The following COL19A1 variants were observed in gnomAD, a reference collection of about 807,000 sequenced individuals.
COL19A1 encodes the protein collagen type XIX alpha 1 chain, also known as collagen alpha-1(XIX) chain.
Under a neutral mutation model 190.2 loss-of-function variants are expected in COL19A1, and 159 were observed. The ratio of observed to expected loss-of-function variants is 0.84; its 90% CI spans 0.73 to 0.95. The LOEUF is 0.95. Ranked by LOEUF, COL19A1 falls within the 40% of genes least tolerant of loss-of-function variation. The pLI is 0.00. For synonymous variants in COL19A1, 509 were observed against 458.9 expected, an observed-to-expected ratio of 1.11 and a Z score of -1.39; for missense variants, 1,418 against 1,431.9, an observed-to-expected ratio of 0.99 and a Z score of 0.16.
At chr6:69,878,605 C>T (rs766989956) in intron 1 of COL19A1, among the ~76,000 whole-genome samples, 2 of 152,052 alleles carry the variant, frequency 1.3e-5, no homozygotes, top group African/African-American at 4.8e-5. Flanking sequence ...GAATGAAAAT[C>T]GTGCAGCTGT....
At chr6:70,056,298 A>G (rs1161054912) in intron 14 of COL19A1, among the ~76,000 whole-genome samples, 1 of 152,146 alleles carries the variant, frequency 6.6e-6, no homozygotes, top group African/African-American at 2.4e-5. Flanking sequence ...CTTGAAAATT[A>G]TTTCCCTAAG....
chr6:70,200,400 T>A (rs1228253483), intron 49 of COL19A1, among the ~76,000 whole-genome samples: 1 of 152,172 alleles, frequency 6.6e-6, no homozygotes, highest in Admixed American at 6.5e-5. Context: ...AGAAATATGA[T>A]TAGCAATCCA....
chr6:69,940,815 A>G (rs1773421745), intron 9 of COL19A1, among the ~76,000 whole-genome samples: 1 of 152,162 alleles, frequency 6.6e-6, no homozygotes, highest in African/African-American at 2.4e-5. Context: ...CCATGAATGC[A>G]TTCAACCTTC....
intron 2 of COL19A1, among the ~76,000 whole-genome samples, chr6:69,885,987 C>G (rs772922270): frequency 1.3e-5 from 2 of 152,048 alleles, no homozygotes; most frequent in Non-Finnish European, 2.9e-5. Flanking sequence ...ATAAATGGGA[C>G]TAAGTCAAAC....
intron 47 of COL19A1, among the ~76,000 whole-genome samples, chr6:70,189,341 C>T (rs1276609972): frequency 6.6e-6 from 1 of 152,160 alleles, no homozygotes; most frequent in Non-Finnish European, 1.5e-5. Context: ...GTAGGCTCTG[C>T]TTCATTCTTA....
At chr6:70,047,403 T>G (rs2150129000) in intron 14 of COL19A1, among the ~76,000 whole-genome samples, 2 of 152,232 alleles carry the variant, frequency 1.3e-5, no homozygotes, top group Middle Eastern at 6.8e-3. Flanking sequence ...TCAAATATAA[T>G]GTATCCAAGG....
At chr6:70,083,287 C>T (rs1277760381) in intron 15 of COL19A1, among the ~76,000 whole-genome samples, 5 of 152,040 alleles carry the variant, frequency 3.3e-5, no homozygotes, top group African/African-American at 1.2e-4. Context: ...CATAGGGAAT[C>T]TTTATGTGCC....
At chr6:70,083,503 T>G (rs945870905) in intron 15 of COL19A1, among the ~76,000 whole-genome samples, 1 of 152,216 alleles carries the variant, frequency 6.6e-6, no homozygotes, top group Admixed American at 6.5e-5. Context: ...CATGACAGAT[T>G]GGATATTTTA....
At chr6:69,964,205 G>A (rs1026858225) in intron 11 of COL19A1, among the ~76,000 whole-genome samples, 2 of 152,132 alleles carry the variant, frequency 1.3e-5, no homozygotes, top group African/African-American at 4.8e-5. Context: ...AAGTACACAT[G>A]TTACAAACTA....
chr6:69,869,478 C>T (rs974844331), intron 1 of COL19A1, among the ~76,000 whole-genome samples: 1 of 151,908 alleles, frequency 6.6e-6, no homozygotes, highest in African/African-American at 2.4e-5. Flanking sequence ...CTGACCTCCT[C>T]TTTTTAAGAG....
rs557217573 is a variant in COL19A1 at position 69,985,772 on chromosome 6, T to C, written c.1026+22902T>C. 2.1e-3 allele frequency among the ~76,000 whole-genome samples: 325 copies of C among 152,276 alleles called. 1 individual carries two copies. Among genetic ancestry groups the C allele is most frequent in the Non-Finnish European group, 3.2e-3 (221 of 68,014 alleles). Reference sequence around the variant, plus strand: ...AGTTTAGGGCATTTAAAAATGCATATTATTAATTTTACTGAGTTAATAGCC... The same window carrying C: ...AGTTTAGGGCATTTAAAAATGCATACTATTAATTTTACTGAGTTAATAGCC... On this transcript the variant is annotated intron_variant, in intron 11 of 50. Coordinates refer to ENST00000620364, the MANE Select transcript of COL19A1 (RefSeq NM_001858.6).
At chr6:70,052,810 G>A (rs1273191171) in intron 14 of COL19A1, among the ~76,000 whole-genome samples, 1 of 152,134 alleles carries the variant, frequency 6.6e-6, no homozygotes, top group African/African-American at 2.4e-5. Context: ...GAATATATTA[G>A]AAGTAGATAG....
rs1561998904 is a variant in COL19A1, at chr6:69,921,524, A to ATG, written c.267-6384_267-6383insGT. Among the ~76,000 whole-genome samples the ATG allele has an allele frequency of 1.0e-4, 13 of 124,500 alleles. 1 individual carries two copies. The highest frequency in any genetic ancestry group is 2.4e-4 in the African/African-American group (8 of 33,342). The allele number at this position is 124,500 out of a possible 152,430, so 81.7% of individuals were successfully genotyped here. On this transcript the variant is annotated intron_variant, in intron 4 of 50. Transcript: ENST00000620364. The stretch of plus-strand genomic sequence containing the variant: ...CATATATATTCATATGTATATTCAT[A>ATG]TATATTCATGTATATTCATATATAT...
intron 4 of COL19A1, among the ~76,000 whole-genome samples, chr6:69,919,584 A>G (rs559899011): frequency 6.6e-6 from 1 of 152,256 alleles, no homozygotes; most frequent in Non-Finnish European, 1.5e-5. Flanking sequence ...AATTTTCATT[A>G]ATCAGATAGG....
At chr6:69,868,153 C>A (rs1360434378) in intron 1 of COL19A1, among the ~76,000 whole-genome samples, 1 of 151,636 alleles carries the variant, frequency 6.6e-6, no homozygotes, top group Non-Finnish European at 1.5e-5. Flanking sequence ...AATGCCTCCC[C>A]CTCTGCCCGA....
chr6:69,910,805 AGT>A (rs1261494261), intron 4 of COL19A1, among the ~76,000 whole-genome samples: 38 of 152,154 alleles, frequency 2.5e-4, no homozygotes, highest in African/African-American at 8.4e-4. Flanking sequence ...AGATTTTCAG[AGT>A]GTACAAAAGA....
At chr6:70,095,188 G>T (rs1326096087) in intron 15 of COL19A1, among the ~76,000 whole-genome samples, 2 of 152,078 alleles carry the variant, frequency 1.3e-5, no homozygotes, top group Non-Finnish European at 2.9e-5. Flanking sequence ...TTATATTGTT[G>T]CATGTAGTTC....
chr6:70,206,679 TA>T (rs1554228116), intron 49 of COL19A1, among the ~76,000 whole-genome samples: 1 of 151,618 alleles, frequency 6.6e-6, no homozygotes. Context: ...GAACTTTTTA[TA>T]GTAATTGCAT....
intron 15 of COL19A1, among the ~76,000 whole-genome samples, chr6:70,080,206 C>T (rs1655931699): frequency 6.6e-6 from 1 of 152,094 alleles, no homozygotes; most frequent in Non-Finnish European, 1.5e-5. Flanking sequence ...TTATAAGAGG[C>T]ATTAATCACA....
Sources: allele counts gnomAD v4.1 joint callset (sites outside exome capture counted in the v4.1 genomes callset), GRCh38; gene constraint gnomAD v4.1.1; transcripts MANE v1.5; gene names NCBI Gene and HGNC (gene_info 2026-07-23, HGNC 2026-07-21).